The following NTRK2 variants were observed in gnomAD, a reference collection of about 807,000 sequenced individuals.
NTRK2 encodes BDNF/NT-3 growth factors receptor.
Under a neutral mutation model 94.5 loss-of-function variants are expected in NTRK2, and 13 were observed. The observed-to-expected ratio is 0.14, with a 90% CI of 0.09 to 0.22. NTRK2 has a LOEUF of 0.22. NTRK2 is among the 10% of genes least tolerant of loss of function. NTRK2 has a pLI of 1.00. For missense variants in NTRK2, 639 were observed against 1,071.2 expected, an observed-to-expected ratio of 0.60 and a Z score of 5.63; for synonymous variants, 372 against 407.4, an observed-to-expected ratio of 0.91 and a Z score of 1.05.
chr9:84,861,015 T>C (rs2075314188), intron 12 of NTRK2, 25 bp from the exon 13 acceptor site: 2 of 1,610,212 alleles, frequency 1.2e-6, no homozygotes, highest in Non-Finnish European at 1.7e-6. Context: ...TCGAAGTTTA[T>C]TTTATGTTTT....
intron 2 of NTRK2, among the ~76,000 whole-genome samples, chr9:84,686,632 G>A (rs1279848537): frequency 6.6e-6 from 1 of 152,208 alleles, no homozygotes; most frequent in Non-Finnish European, 1.5e-5. Flanking sequence ...AACATCAGGA[G>A]TATAAAAAGA....
chr9:84,894,168 GAATATATTTTTATA>G (rs1818886863), intron 14 of NTRK2, among the ~76,000 whole-genome samples: 3 of 150,356 alleles, frequency 2.0e-5, no homozygotes, highest in African/African-American at 7.4e-5. Context: ...CTATTTGGGA[GAATATATTTTTATA>G]ACACATTGAA....
intron 17 of NTRK2, among the ~76,000 whole-genome samples, chr9:84,955,973 G>A (rs1208435472): frequency 6.6e-6 from 1 of 152,164 alleles, no homozygotes; most frequent in Non-Finnish European, 1.5e-5. Context: ...CACCCACCCT[G>A]CTCTTGGCAC....
chr9:84,803,948 T>G (rs1483657831), intron 12 of NTRK2, among the ~76,000 whole-genome samples: 1 of 152,160 alleles, frequency 6.6e-6, no homozygotes, highest in African/African-American at 2.4e-5. Context: ...GTACTGCTGG[T>G]GGATTTGACT....
At chr9:84,898,863 C>T (rs146526469) in intron 14 of NTRK2, among the ~76,000 whole-genome samples, 55 of 152,186 alleles carry the variant, frequency 3.6e-4, no homozygotes, top group African/African-American at 9.9e-4. Context: ...CCACCACGCC[C>T]GGCTAGTTTT....
rs1285612169 is a variant in NTRK2 at position 84,955,396 on chromosome 9, C to T, written c.2051C>T (p.Ala684Val). Residue 684 changes from alanine (A) to valine (V), a missense_variant, in exon 17 of 19, where the codon GCG (alanine) becomes GTG (valine). Physicochemically the swap from Ala to Val is moderately conservative, Grantham distance 64. Around this residue, in one of 5 missense-constraint regions of NTRK2, gnomAD observed 343 missense variants for 571.5 expected, o/e 0.60. Coordinates refer to ENST00000277120, the MANE Select transcript of NTRK2 (RefSeq NM_006180.6). The part of the protein sequence containing the change: ...QQIAAGMVYL[A>V]SQHFVHRDLA... Reference sequence around the variant, plus strand: ...ATCGCCGCGGGCATGGTCTACCTGGCGTCCCAGCACTTCGTGCACCGCGAT... The same window carrying T: ...ATCGCCGCGGGCATGGTCTACCTGGTGTCCCAGCACTTCGTGCACCGCGAT... 6.8e-6 allele frequency: 11 copies of T among 1,614,060 alleles called. No individual in the cohort carries two copies. The highest frequency in any genetic ancestry group is 1.7e-5 in the Admixed American group (1 of 60,006).
At chr9:84,948,779 G>A in intron 16 of NTRK2, 145 bp downstream of exon 16, 1 of 680,350 alleles carries the variant, frequency 1.5e-6, no homozygotes, top group South Asian at 1.9e-5. Flanking sequence ...GCCAGAGAAA[G>A]GAGGAGAGAA....
intron 12 of NTRK2, among the ~76,000 whole-genome samples, chr9:84,824,908 C>T (rs991852008): frequency 2.0e-5 from 3 of 152,030 alleles, no homozygotes; most frequent in East Asian, 1.9e-4. Flanking sequence ...TCTATCAGAT[C>T]TGAGGAGAGA....
chr9:84,969,106 T>C (rs1243668259), intron 17 of NTRK2, among the ~76,000 whole-genome samples: 1 of 152,246 alleles, frequency 6.6e-6, no homozygotes, highest in African/African-American at 2.4e-5. Flanking sequence ...ATGGTGTTTA[T>C]GAGGTCTTTA....
At chr9:84,901,688 C>T (rs1351123483) in intron 14 of NTRK2, among the ~76,000 whole-genome samples, 1 of 152,080 alleles carries the variant, frequency 6.6e-6, no homozygotes, top group Admixed American at 6.5e-5. Context: ...ACTGCACCTC[C>T]TAAAATGCAA....
chr9:84,747,384 G>A (rs2064173711), intron 11 of NTRK2, among the ~76,000 whole-genome samples: 1 of 151,264 alleles, frequency 6.6e-6, no homozygotes, highest in East Asian at 1.9e-4. Context: ...ATTTCTTGGT[G>A]TAAGAAAGTT....
chr9:84,731,182 C>G (rs1464089616), intron 9 of NTRK2, among the ~76,000 whole-genome samples: 1 of 152,156 alleles, frequency 6.6e-6, no homozygotes, highest in Non-Finnish European at 1.5e-5. Flanking sequence ...TGTTTGTAAT[C>G]CCAGAACTTT....
intron 17 of NTRK2, among the ~76,000 whole-genome samples, chr9:84,964,886 G>T (rs1825372440): frequency 6.6e-6 from 1 of 152,200 alleles, no homozygotes; most frequent in African/African-American, 2.4e-5. Flanking sequence ...CCAGTGAACT[G>T]CCTACAAGCT....
intron 12 of NTRK2, among the ~76,000 whole-genome samples, chr9:84,752,644 A>G (rs755028636): frequency 1.1e-4 from 16 of 152,238 alleles, no homozygotes; most frequent in Non-Finnish European, 2.4e-4. Context: ...GCAGGGCTAG[A>G]TTAAAAATTA....
intron 13 of NTRK2, among the ~76,000 whole-genome samples, chr9:84,866,222 T>C (rs1023948125): frequency 2.6e-5 from 4 of 152,196 alleles, no homozygotes; most frequent in Admixed American, 1.3e-4. Flanking sequence ...GAAAGAGGAA[T>C]GTAGTCATAG....
chr9:85,022,976 T>C lies in NTRK2; in HGVS notation c.*1539T>C, dbSNP rs1832856820. Reference sequence around the variant, plus strand: ...TTGCTCTGGGCTCTAGTTGGGAGAGTGGTTTCATTCCAAGTGTACTCCATT... The same window carrying C: ...TTGCTCTGGGCTCTAGTTGGGAGAGCGGTTTCATTCCAAGTGTACTCCATT... On this transcript the variant is annotated 3_prime_UTR_variant, in exon 19 of 19. Coordinates refer to ENST00000277120, the MANE Select transcript of NTRK2 (RefSeq NM_006180.6). 1 of 232,900 alleles carries C rather than the reference T, an allele frequency of 4.3e-6. No individual in the cohort carries two copies. Among genetic ancestry groups the C allele is most frequent in the East Asian group, 6.0e-5 (1 of 16,554 alleles). 14.4% of individuals were successfully genotyped at this position (232,900 alleles called of 1,614,324 possible). A position where few individuals can be genotyped will look rare whatever the true frequency, so the allele number is the denominator to read the frequency against.
chr9:84,813,852 G>A (rs2072081919), intron 12 of NTRK2: 2 of 1,065,570 alleles, frequency 1.9e-6, no homozygotes, highest in Admixed American at 5.3e-5. Context: ...TGCCCTTAAT[G>A]TGGTCCACGT....
intron 17 of NTRK2, among the ~76,000 whole-genome samples, chr9:85,009,147 C>A (rs1249968606): frequency 1.3e-5 from 2 of 152,152 alleles, no homozygotes; most frequent in Non-Finnish European, 2.9e-5. Flanking sequence ...GCCTTTGGAC[C>A]CAAGATGGTG....
chr9:84,832,471 T>C (rs1587572088), intron 12 of NTRK2, among the ~76,000 whole-genome samples: 1 of 152,328 alleles, frequency 6.6e-6, no homozygotes, highest in East Asian at 1.9e-4. Flanking sequence ...ACATTTCTGC[T>C]GGTCCTGAAA....
Sources: allele counts gnomAD v4.1 joint callset (sites outside exome capture counted in the v4.1 genomes callset), GRCh38; gene constraint gnomAD v4.1.1; regional missense constraint gnomAD v4.1.1; transcripts MANE v1.5; gene names NCBI Gene and HGNC (gene_info 2026-07-23, HGNC 2026-07-21).